The following ARHGAP24 variants were observed in gnomAD, a reference collection of about 807,000 sequenced individuals.
ARHGAP24 encodes the protein Rho GTPase activating protein 24, also known as rho GTPase-activating protein 24.
ARHGAP24 carries 50 observed loss-of-function variants against 76.4 expected under a neutral mutation model. The observed-to-expected ratio is 0.65, with a 90% CI of 0.52 to 0.83. The LOEUF is 0.83. Among genes scored for constraint, ARHGAP24 ranks in the 40% least tolerant of loss-of-function variants. ARHGAP24 has a pLI of 0.00. For synonymous variants in ARHGAP24, 345 were observed against 323.3 expected, an observed-to-expected ratio of 1.07 and a Z score of -0.72; for missense variants, 930 against 914.2, an observed-to-expected ratio of 1.02 and a Z score of -0.22.
chr4:85,774,310 T>G (rs1243891174), intron 3 of ARHGAP24, among the ~76,000 whole-genome samples: 1 of 152,044 alleles, frequency 6.6e-6, no homozygotes, highest in Non-Finnish European at 1.5e-5. Flanking sequence ...TCTGAAAGAG[T>G]GTGCAGCAGA....
intron 3 of ARHGAP24, among the ~76,000 whole-genome samples, chr4:85,759,006 G>A (rs1266981727): frequency 6.6e-6 from 1 of 152,102 alleles, no homozygotes; most frequent in South Asian, 2.1e-4. Flanking sequence ...AGCATGAACT[G>A]TATAACTCAG....
chr4:85,657,113 C>G (rs72969035), intron 2 of ARHGAP24, among the ~76,000 whole-genome samples: 7,099 of 152,152 alleles, frequency 0.047, 569 homozygotes, highest in African/African-American at 0.16. Context: ...ATTTTATTCT[C>G]ATTGTTTTCA....
intron 3 of ARHGAP24, among the ~76,000 whole-genome samples, chr4:85,847,963 G>A (rs1487324123): frequency 1.3e-5 from 2 of 152,046 alleles, no homozygotes; most frequent in East Asian, 1.9e-4. Flanking sequence ...CCATAATAAA[G>A]GAATCTAGGC....
intron 3 of ARHGAP24, among the ~76,000 whole-genome samples, chr4:85,913,689 A>C (rs1735210968): frequency 6.6e-6 from 1 of 152,190 alleles, no homozygotes; most frequent in African/African-American, 2.4e-5. Flanking sequence ...AAATGTGTTG[A>C]ATAAATGAAT....
intron 3 of ARHGAP24, among the ~76,000 whole-genome samples, chr4:85,904,764 T>TA (rs1312343703): frequency 6.6e-6 from 1 of 152,180 alleles, no homozygotes; most frequent in Non-Finnish European, 1.5e-5. Context: ...AAAGCAAAAA[T>TA]ATGCAAAACA....
intron 3 of ARHGAP24, among the ~76,000 whole-genome samples, chr4:85,749,748 G>A (rs1726187314): frequency 6.6e-6 from 1 of 152,056 alleles, no homozygotes; most frequent in Non-Finnish European, 1.5e-5. Context: ...TGTATTTTTA[G>A]TAGGGACAGG....
intron 3 of ARHGAP24, among the ~76,000 whole-genome samples, chr4:85,754,777 G>C (rs1267934272): frequency 6.6e-6 from 1 of 152,220 alleles, no homozygotes; most frequent in Admixed American, 6.5e-5. Flanking sequence ...ATATTGGAAA[G>C]GGCATGAACT....
chr4:85,942,338 T>C, intron 5 of ARHGAP24, 65 bp downstream of exon 5: 1 of 1,555,996 alleles, frequency 6.4e-7, no homozygotes, highest in Non-Finnish European at 8.9e-7. Flanking sequence ...CAGGATGCAG[T>C]GAGCTGAGGA....
intron 4 of ARHGAP24, among the ~76,000 whole-genome samples, chr4:85,941,374 A>C (rs1736936342): frequency 6.6e-6 from 1 of 152,186 alleles, no homozygotes; most frequent in Non-Finnish European, 1.5e-5. Context: ...TGTACTGCCA[A>C]TTCTAAACAA....
intron 2 of ARHGAP24, among the ~76,000 whole-genome samples, chr4:85,640,635 T>C (rs28509264): frequency 0.064 from 9,704 of 152,244 alleles, 1,028 homozygotes; most frequent in African/African-American, 0.22. Context: ...ATATTGCTTT[T>C]CAAAATCGAC....
chr4:85,922,238 G>A (rs1226617109), intron 3 of ARHGAP24, among the ~76,000 whole-genome samples: 2 of 152,118 alleles, frequency 1.3e-5, no homozygotes, highest in Non-Finnish European at 2.9e-5. Flanking sequence ...CTTATCACCT[G>A]TTCCAAAAAT....
At chr4:85,651,048 T>G (rs1721923379) in intron 2 of ARHGAP24, among the ~76,000 whole-genome samples, 1 of 27,276 alleles carries the variant, frequency 3.7e-5, no homozygotes, top group Non-Finnish European at 6.4e-5. Flanking sequence ...TGAAGAAAGG[T>G]CTGCATGGGA....
chr4:85,531,594 C>T (rs1191557179), intron 1 of ARHGAP24, among the ~76,000 whole-genome samples: 1 of 151,972 alleles, frequency 6.6e-6, no homozygotes, highest in Non-Finnish European at 1.5e-5. Flanking sequence ...TTTATTAAAT[C>T]CTTAATACTG....
chr4:85,695,855 A>G (rs1187037792), intron 2 of ARHGAP24, among the ~76,000 whole-genome samples: 1 of 152,188 alleles, frequency 6.6e-6, no homozygotes, highest in Non-Finnish European at 1.5e-5. Context: ...CACAGTACAT[A>G]TGGTACCCAA....
intron 1 of ARHGAP24, among the ~76,000 whole-genome samples, chr4:85,523,669 A>C (rs184571547): frequency 2.0e-5 from 3 of 152,306 alleles, no homozygotes; most frequent in Admixed American, 6.5e-5. Flanking sequence ...TAGCCATTGC[A>C]TGTTTACAGG....
At chr4:85,830,199 T>G (rs1468978592) in intron 3 of ARHGAP24, among the ~76,000 whole-genome samples, 1 of 152,246 alleles carries the variant, frequency 6.6e-6, no homozygotes, top group Non-Finnish European at 1.5e-5. Context: ...AAGTTCTTCA[T>G]TTGCTGAACC....
intron 2 of ARHGAP24, among the ~76,000 whole-genome samples, chr4:85,654,105 G>A (rs28475794): frequency 0.36 from 55,214 of 151,928 alleles, 11,130 homozygotes; most frequent in East Asian, 0.84. Context: ...AATGCTACAG[G>A]CTGGGTGGTT....
At chr4:85,866,144 A>T (rs1403281004) in intron 3 of ARHGAP24, among the ~76,000 whole-genome samples, 2 of 152,146 alleles carry the variant, frequency 1.3e-5, no homozygotes, top group Non-Finnish European at 2.9e-5. Flanking sequence ...AAATAAATAC[A>T]TATTTTACAT....
chr4:85,968,140 T>A (rs1738741400), intron 5 of ARHGAP24, among the ~76,000 whole-genome samples: 1 of 152,120 alleles, frequency 6.6e-6, no homozygotes, highest in East Asian at 1.9e-4. Context: ...GTTTCAATTT[T>A]ATTTAACATA....
Sources: gnomAD v4.1 joint callset for allele counts (sites outside exome capture counted in the v4.1 genomes callset) on GRCh38, gnomAD v4.1.1 for gene constraint, MANE v1.5 for transcripts, NCBI Gene and HGNC (gene_info 2026-07-23, HGNC 2026-07-21) for gene names.